CNTN6: variants seen among roughly 807,000 people sequenced by gnomAD.
CNTN6 encodes the protein contactin 6.
In CNTN6, 137 loss-of-function variants were observed where a neutral mutation model predicts 122.8. The observed-to-expected ratio is 1.12, with a 90% CI of 0.97 to 1.29. The LOEUF (loss-of-function observed/expected upper bound fraction) is 1.29. Among genes scored for constraint, CNTN6 ranks in the 50% most tolerant of loss-of-function variants. The pLI is 0.00. For synonymous variants in CNTN6, 570 were observed against 426.0 expected (o/e 1.34, Z -4.16); for missense variants, 1,634 against 1,223.4 (o/e 1.34, Z -5.01).
At chr3:1,102,921 C>A (rs1320212834) in intron 1 of CNTN6, among the ~76,000 whole-genome samples, 1 of 150,690 alleles carries the variant, frequency 6.6e-6, no homozygotes, top group African/African-American at 2.4e-5. Context: ...TCCTGGCTAA[C>A]ACGGTGAAAC....
intron 1 of CNTN6, among the ~76,000 whole-genome samples, chr3:1,107,648 C>T (rs115434681): frequency 1.3e-5 from 2 of 152,108 alleles, no homozygotes; most frequent in African/African-American, 4.8e-5. Flanking sequence ...TGACCATGCT[C>T]CAGGTGTGGT....
chr3:1,398,920 C>A (rs1266737506), intron 20 of CNTN6, among the ~76,000 whole-genome samples: 2 of 152,096 alleles, frequency 1.3e-5, no homozygotes, highest in African/African-American at 2.4e-5. Flanking sequence ...TGTGCTTCTG[C>A]TTTGGTAGAT....
chr3:1,342,575 C>T (rs772129182), intron 11 of CNTN6, among the ~76,000 whole-genome samples: 7 of 151,920 alleles, frequency 4.6e-5, no homozygotes, highest in Non-Finnish European at 7.4e-5. Flanking sequence ...TATTTAATTA[C>T]ACTCTGCCTA....
chr3:1,373,480 C>T (rs1450149870), intron 14 of CNTN6, 124 bp from the exon 15 acceptor site: 1 of 821,340 alleles, frequency 1.2e-6, no homozygotes, highest in Non-Finnish European at 1.9e-6. Context: ...TAATAATGTG[C>T]TATAAATACA....
At chr3:1,160,628 G>A (rs1388632870) in intron 2 of CNTN6, among the ~76,000 whole-genome samples, 1 of 149,212 alleles carries the variant, frequency 6.7e-6, no homozygotes, top group Non-Finnish European at 1.5e-5. Context: ...CTGTTTCTGA[G>A]GTTGAGTATC....
chr3:1,208,094 G>A (rs1259059360), intron 2 of CNTN6, among the ~76,000 whole-genome samples: 2 of 151,960 alleles, frequency 1.3e-5, no homozygotes, highest in Non-Finnish European at 2.9e-5. Context: ...GGTTTCAAAC[G>A]TTTGATAAAT....
intron 5 of CNTN6, among the ~76,000 whole-genome samples, chr3:1,285,919 G>A (rs546784158): frequency 6.6e-6 from 1 of 152,170 alleles, no homozygotes. Flanking sequence ...AGTGTACAGT[G>A]TTAGAACCAG....
intron 2 of CNTN6, among the ~76,000 whole-genome samples, chr3:1,213,582 A>G (rs1220647044): frequency 1.3e-5 from 2 of 151,932 alleles, no homozygotes; most frequent in African/African-American, 4.8e-5. Flanking sequence ...TTCTCTAAAA[A>G]TAAAAATTAT....
At chr3:1,292,378 A>G (rs1695471151) in intron 5 of CNTN6, among the ~76,000 whole-genome samples, 1 of 151,864 alleles carries the variant, frequency 6.6e-6, no homozygotes, top group Non-Finnish European at 1.5e-5. Flanking sequence ...TTTATTTTTT[A>G]TCTCTTGATA....
At chr3:1,169,771 C>T (rs1023456011) in intron 2 of CNTN6, among the ~76,000 whole-genome samples, 1 of 152,178 alleles carries the variant, frequency 6.6e-6, no homozygotes, top group Non-Finnish European at 1.5e-5. Flanking sequence ...AGATAACTGG[C>T]TCAGGCTTTC....
chr3:1,106,541 C>A (rs2091232454), intron 1 of CNTN6, among the ~76,000 whole-genome samples: 1 of 151,960 alleles, frequency 6.6e-6, no homozygotes. Flanking sequence ...CACACACACA[C>A]ACGCACAATC....
rs1576131747 is a variant in CNTN6 at position 1,403,479 on chromosome 3, T to C, written c.*61T>C. On this transcript the variant is annotated 3_prime_UTR_variant, in exon 23 of 23. Transcript: ENST00000446702. The stretch of plus-strand genomic sequence containing the variant: ...AGCAAATCATTCTGTATATATGCTC[T>C]CCAGCCTCTGACACAAGATGCGTTC... 1.6e-5 allele frequency: 16 copies of C among 1,032,008 alleles called. No homozygotes were observed. 63.9% of individuals were successfully genotyped at this position (1,032,008 alleles called of 1,614,324 possible).
rs369348874 is a variant in CNTN6 at position 1,385,727 on chromosome 3, C to T, written c.2634C>T (p.Ser878=). 1.8e-4 allele frequency: 284 copies of T among 1,614,078 alleles called. 1 individual carries two copies. Among genetic ancestry groups the T allele is most frequent in the African/African-American group, 1.2e-3 (88 of 75,032 alleles). Reference sequence around the variant, plus strand: ...AAGCTAATACCATCTACTTTGCTTCCGTAAGAGCTTACAACACTGCTGGGA... The same window carrying T: ...AAGCTAATACCATCTACTTTGCTTCTGTAAGAGCTTACAACACTGCTGGGA... ...GLKANTIYFA[S]VRAYNTAGTG... is the part of the protein sequence containing the mutation. Residue 878 remains serine, a synonymous_variant, in exon 20 of 23, where the codon TCC becomes TCT. Transcript: ENST00000446702.
In CNTN6 at chr3:1,295,891, G is replaced by A; in HGVS notation, c.658+87G>A. 6 of 1,200,964 alleles carry A rather than the reference G, an allele frequency of 5.0e-6. No individual in the cohort carries two copies. The South Asian group carries it at 8.4e-5, about 17-fold the overall frequency. 74.4% of individuals were successfully genotyped at this position (1,200,964 alleles called of 1,614,324 possible). ...TCGTAAAGCTTTCTGCTTCCTTCTT[G>A]TTTGGTGGAGCCAAATTACGAGTTT... On this transcript the variant is annotated intron_variant, in intron 6 of 22. Coordinates refer to ENST00000446702, the MANE Select transcript of CNTN6 (RefSeq NM_001289080.2).
intron 1 of CNTN6, among the ~76,000 whole-genome samples, chr3:1,147,667 C>T (rs1241415817): frequency 6.6e-6 from 1 of 151,932 alleles, no homozygotes; most frequent in Non-Finnish European, 1.5e-5. Flanking sequence ...AATTTTGCAG[C>T]ACAATATTAA....
At chr3:1,257,190 G>A (rs1317293392) in intron 4 of CNTN6, among the ~76,000 whole-genome samples, 1 of 151,858 alleles carries the variant, frequency 6.6e-6, no homozygotes, top group East Asian at 1.9e-4. Flanking sequence ...TCCTAAATTG[G>A]GTCTTTGCCT....
At chr3:1,151,763 T>C (rs1302983697) in intron 2 of CNTN6, among the ~76,000 whole-genome samples, 1 of 152,156 alleles carries the variant, frequency 6.6e-6, no homozygotes, top group Admixed American at 6.5e-5. Context: ...ACAAAAAAGT[T>C]CTTGACTAAT....
At chr3:1,314,573 A>G (rs1699834714) in intron 7 of CNTN6, among the ~76,000 whole-genome samples, 2 of 152,094 alleles carry the variant, frequency 1.3e-5, no homozygotes, top group African/African-American at 4.8e-5. Context: ...GTGTGCTTCT[A>G]CTAGTGTATG....
chr3:1,125,937 A>G (rs1183432893), intron 1 of CNTN6, among the ~76,000 whole-genome samples: 3 of 151,864 alleles, frequency 2.0e-5, no homozygotes, highest in African/African-American at 7.2e-5. Context: ...GTTTGCTTTT[A>G]GTTTCAGTTT....
Sources: allele counts gnomAD v4.1 joint callset (sites outside exome capture counted in the v4.1 genomes callset), GRCh38; gene constraint gnomAD v4.1.1; transcripts MANE v1.5; gene names NCBI Gene and HGNC (gene_info 2026-07-23, HGNC 2026-07-21).